The following MYBBP1A variants were observed in gnomAD, a reference collection of about 807,000 sequenced individuals.
MYBBP1A encodes the protein myb-binding protein 1A.
In MYBBP1A, 147 loss-of-function variants were observed where a neutral mutation model predicts 136.3. The observed-to-expected ratio is 1.08, with a 90% CI of 0.94 to 1.24. MYBBP1A has a LOEUF of 1.24. Among genes scored for constraint, MYBBP1A ranks in the 50% most tolerant of loss-of-function variants. The pLI is 0.00. For missense variants in MYBBP1A, 2,060 were observed against 1,727.4 expected, an observed-to-expected ratio of 1.19 and a Z score of -3.41; for synonymous variants, 947 against 735.8, an observed-to-expected ratio of 1.29 and a Z score of -4.65.
Position 4,548,253 on chromosome 17 carries a change from C to CCCA in MYBBP1A, c.1611_1613dup (p.Gly538dup), listed in dbSNP as rs781238482. ...GCACCAGGTGGTAGGTCCAGGGCTG[C>CCCA]CCACCCTGGGTCTGGCCCGGTGCCT... On this transcript the variant is annotated inframe_insertion, in exon 12 of 26. Transcript: ENST00000254718. This position sits in a 1 kb window ranked among gnomAD's most constrained non-coding sequence, Gnocchi z 4.2. The CCCA allele has an allele frequency of 1.2e-6, 2 of 1,612,118 alleles. No homozygotes were observed. The highest frequency in any genetic ancestry group is 1.7e-6 in the Non-Finnish European group (2 of 1,179,968).
chr17:4,546,329 G>T (rs535676139), intron 13 of MYBBP1A, among the ~76,000 whole-genome samples: 1 of 152,220 alleles, frequency 6.6e-6, no homozygotes, highest in African/African-American at 2.4e-5. Flanking sequence ...ATGTTGGCCA[G>T]GCTGGTCTTG....
chr17:4,555,257 G>T lies in MYBBP1A; in HGVS notation c.68C>A (p.Ala23Asp), dbSNP rs369952748. ...GEATQSGARP[A>D]DRYGLLKHSR... Reference sequence around the variant, plus strand: ...GTGCTTCAATAGGCCATAGCGGTCGGCAGGCCGGGCGCCACTCTGCGTCGC... The same window carrying T: ...GTGCTTCAATAGGCCATAGCGGTCGTCAGGCCGGGCGCCACTCTGCGTCGC... Residue 23 changes from alanine (A) to aspartate (D), a missense_variant, in exon 1 of 26, where the codon GCC becomes GAC. Coordinates refer to ENST00000254718, the MANE Select transcript of MYBBP1A (RefSeq NM_014520.4). 29 of 1,611,712 alleles carry T rather than the reference G, an allele frequency of 1.8e-5. No homozygotes were observed. The highest frequency in any genetic ancestry group is 2.5e-5 in the Non-Finnish European group (29 of 1,179,458).
chr17:4,539,814 T>A lies in MYBBP1A; in HGVS notation c.3588A>T (p.Thr1196=). The A allele has an allele frequency of 6.2e-7, 1 of 1,611,556 alleles. No homozygotes were observed. The highest frequency in any genetic ancestry group is 8.5e-7 in the Non-Finnish European group (1 of 1,179,958). The part of the protein sequence containing the change: ...SEDGTPAEDG[T]PAATGGSQPP... The stretch of plus-strand genomic sequence containing the variant: ...GCTGGCTCCCGCCGGTGGCTGCAGG[T>A]GTGCCATCCTCCGCTGGCGTGCCAT... Residue 1196 remains threonine, a synonymous_variant, in exon 26 of 26, where the codon ACA becomes ACT. Transcript: ENST00000254718.
At position 4,539,015 on chromosome 17, in the gene MYBBP1A, G is replaced by GAAAT. The variant is rs1248542331; in HGVS notation, c.*396_*399dup. Reference sequence around the variant, plus strand: ...CAAATATATTCCTCTTGTAAATGAAGAAATAAACCTATTTAAATCACCCCC... The same window carrying GAAAT: ...CAAATATATTCCTCTTGTAAATGAAGAAATAAATAAACCTATTTAAATCACCCCC... On this transcript the variant is annotated 3_prime_UTR_variant, in exon 26 of 26. Transcript: ENST00000254718. 1 of 827,078 alleles carries GAAAT rather than the reference G, an allele frequency of 1.2e-6. No homozygotes were observed. Among genetic ancestry groups the GAAAT allele is most frequent in the Non-Finnish European group, 2.2e-6 (1 of 461,074 alleles). The allele number at this position is 827,078 out of a possible 1,614,324, so 51.2% of individuals were successfully genotyped here.
chr17:4,542,904 C>T lies in MYBBP1A; in HGVS notation c.2892+9G>A, dbSNP rs1324461754. ...GCCTGGGGCTGCTCCTGGGCCAGGC[C>T]CTGCTCACCTGCGGGCCCGTGGGCA... On this transcript the variant is annotated intron_variant, in intron 20 of 25. Transcript: ENST00000254718. The T allele has an allele frequency of 2.5e-6, 4 of 1,613,556 alleles. No homozygotes were observed. The highest frequency in any genetic ancestry group is 3.4e-6 in the Non-Finnish European group (4 of 1,179,822).
intron 17 of MYBBP1A, 36 bp downstream of exon 17, chr17:4,544,990 T>TGCC: frequency 1.0e-5 from 7 of 699,532 alleles, no homozygotes; most frequent in South Asian, 3.0e-5. Context: ...ACCCGAGCCC[T>TGCC]CCCCGGCCGC....
At chr17:4,539,991 G>A (rs1192992618) in intron 25 of MYBBP1A, 24 bp from the exon 26 acceptor site, 2 of 1,589,488 alleles carry the variant, frequency 1.3e-6, no homozygotes, top group Admixed American at 3.4e-5. Context: ...AGCAAGGTTA[G>A]AAGGTGCCCA....
At position 4,553,798 on chromosome 17, in the gene MYBBP1A, G is replaced by T; in HGVS notation, c.561+12C>A. On this transcript the variant is annotated intron_variant, in intron 5 of 25. Transcript: ENST00000254718. Reference sequence around the variant, plus strand: ...AGTGTTGCCTGGGCCCGCACAGCTGGGGAGCTCATACCTCGGAGAGGATGT... The same window carrying T: ...AGTGTTGCCTGGGCCCGCACAGCTGTGGAGCTCATACCTCGGAGAGGATGT... The T allele has an allele frequency of 6.2e-7, 1 of 1,611,092 alleles. No homozygotes were observed. The highest frequency in any genetic ancestry group is 8.5e-7 in the Non-Finnish European group (1 of 1,177,564).
Position 4,545,780 on chromosome 17 carries a change from G to A in MYBBP1A, c.1922-19C>T. Reference sequence around the variant, plus strand: ...TGGGGGTCTGCAAGAGGGAGGGGTTGAGCCCGGATAGGGGACCGCTGGCCC... The same window carrying A: ...TGGGGGTCTGCAAGAGGGAGGGGTTAAGCCCGGATAGGGGACCGCTGGCCC... On this transcript the variant is annotated intron_variant, in intron 14 of 25. Transcript: ENST00000254718. The A allele has an allele frequency of 1.2e-6, 2 of 1,606,830 alleles. No homozygotes were observed. Among genetic ancestry groups the A allele is most frequent in the Non-Finnish European group, 1.7e-6 (2 of 1,176,148 alleles).
chr17:4,551,382 G>A (rs566319893), intron 8 of MYBBP1A, among the ~76,000 whole-genome samples: 56 of 152,374 alleles, frequency 3.7e-4, no homozygotes, highest in African/African-American at 1.3e-3. Flanking sequence ...CCACAAGGGG[G>A]CCTGCTGGCA....
rs1470468171 is a variant in MYBBP1A at position 4,552,329 on chromosome 17, A to T, written c.738-37T>A. 1 of 1,612,090 alleles carries T rather than the reference A, an allele frequency of 6.2e-7. No individual in the cohort carries two copies. The highest frequency in any genetic ancestry group is 8.5e-7 in the Non-Finnish European group (1 of 1,179,288). On this transcript the variant is annotated intron_variant, in intron 6 of 25. Coordinates refer to ENST00000254718, the MANE Select transcript of MYBBP1A (RefSeq NM_014520.4). The surrounding 1 kb of genome is among the most constrained non-coding windows in gnomAD (Gnocchi z 4.7). ...AAGGGACTCAGGGAACACTTGCCTC[A>T]CAGGCAAGGGCCAGGGTGACAAGAG...
intron 25 of MYBBP1A, 109 bp from the exon 26 acceptor site, chr17:4,540,076 T>TCTGTGAGGCCC: frequency 7.5e-7 from 1 of 1,336,264 alleles, no homozygotes; most frequent in Non-Finnish European, 1.0e-6. Flanking sequence ...GCCCCTAGGT[T>TCTGTGAGGCCC]CTGTGAGGCC....
intron 19 of MYBBP1A, 134 bp downstream of exon 19, chr17:4,544,355 G>A (rs542612211): frequency 5.4e-5 from 63 of 1,169,602 alleles, no homozygotes; most frequent in Admixed American, 7.0e-5. Context: ...GCTGAGCAGT[G>A]AGCCTGCGAG....
intron 24 of MYBBP1A, 145 bp downstream of exon 24, chr17:4,541,318 C>G: frequency 5.3e-6 from 4 of 751,326 alleles, no homozygotes; most frequent in Non-Finnish European, 9.1e-6. Flanking sequence ...AAATGGCAGC[C>G]CAGAGCCCTG....
rs745756766 is a variant in MYBBP1A, at chr17:4,539,540, C to G, written c.3862G>C (p.Gly1288Arg). 6.2e-6 allele frequency: 10 copies of G among 1,613,970 alleles called. No individual in the cohort carries two copies. The highest frequency in any genetic ancestry group is 1.7e-5 in the Admixed American group (1 of 59,990). Residue 1288 changes from glycine to arginine, a missense_variant, in exon 26 of 26, where the codon GGC (glycine) becomes CGC (arginine). Coordinates refer to ENST00000254718, the MANE Select transcript of MYBBP1A (RefSeq NM_014520.4). ...GCCAGCGCGGACAGTGGTGATTTGC[C>G]CAAGACCCCCTTTTTGGGAAGAGCC... Reference protein sequence around the residue: ...QKALPKKGVLGKSPLSALARK... With the variant: ...QKALPKKGVLRKSPLSALARK...
intron 5 of MYBBP1A, among the ~76,000 whole-genome samples, chr17:4,553,421 GAGCTGCACTGCCCAATACGGT>G (rs1696035843): frequency 6.6e-6 from 1 of 152,244 alleles, no homozygotes; most frequent in African/African-American, 2.4e-5. Flanking sequence ...CACAGTTCCA[GAGCTGCACTGCCCAATACGGT>G]AGCCACAGCC....
At chr17:4,543,436 G>A in intron 19 of MYBBP1A, 1 of 519,996 alleles carries the variant, frequency 1.9e-6, no homozygotes, top group Middle Eastern at 4.9e-4. Context: ...CCTGCCTGGG[G>A]CACCCCTCCT....
chr17:4,545,816 C>T (rs758939189), intron 14 of MYBBP1A, 30 bp downstream of exon 14: 4 of 1,611,380 alleles, frequency 2.5e-6, no homozygotes, highest in Non-Finnish European at 3.4e-6. Context: ...CACCCCACCA[C>T]TCTAGTCCCT....
At position 4,548,550 on chromosome 17, in the gene MYBBP1A, T is replaced by C. The variant is rs1248771640; in HGVS notation, c.1530A>G (p.Arg510=). 3 of 1,614,014 alleles carry C rather than the reference T, an allele frequency of 1.9e-6. No homozygotes were observed. The African/African-American group carries it at 4.0e-5, about 22-fold the overall frequency. Residue 510 remains arginine, a synonymous_variant, in exon 11 of 26, where the codon CGA becomes CGG. Transcript: ENST00000254718. This position sits in a 1 kb window ranked among gnomAD's most constrained non-coding sequence, Gnocchi z 4.2. ...TGAAGAAGGCACTGCTGACAGCCTC[T>C]CGGGCCTGGTTTTCCAAAGGGAAGG... ...PFSFPLENQA[R]EAVSSAFFSL...
Sources: gnomAD v4.1 joint callset for allele counts (sites outside exome capture counted in the v4.1 genomes callset) on GRCh38, gnomAD v4.1.1 for gene constraint, Gnocchi (gnomAD v3.1) non-coding constraint, MANE v1.5 for transcripts, NCBI Gene and HGNC (gene_info 2026-07-23, HGNC 2026-07-21) for gene names.